PDE7B: variants seen among roughly 807,000 people sequenced by gnomAD.
PDE7B encodes 3',5'-cyclic-AMP phosphodiesterase 7B.
PDE7B carries 29 observed loss-of-function variants against 56.2 expected under a neutral mutation model. That is an observed-to-expected ratio of 0.52 (90% CI 0.38 to 0.70). The LOEUF (loss-of-function observed/expected upper bound fraction) is 0.70, where lower values mean the gene tolerates loss of function less well. Ranked by LOEUF, PDE7B falls within the 30% of genes least tolerant of loss-of-function variation. The pLI is 0.00. For synonymous variants in PDE7B, 197 were observed against 196.9 expected (o/e 1.00, Z 0.00); for missense variants, 490 against 565.0 (o/e 0.87, Z 1.35).
intron 3 of PDE7B, among the ~76,000 whole-genome samples, chr6:136,143,285 C>G (rs1327172272): frequency 6.6e-6 from 1 of 151,990 alleles, no homozygotes; most frequent in African/African-American, 2.4e-5. Context: ...TTATGGTAGG[C>G]CTAGGCAGGA....
At chr6:136,059,189 G>A (rs1442027063) in intron 2 of PDE7B, among the ~76,000 whole-genome samples, 3 of 152,084 alleles carry the variant, frequency 2.0e-5, no homozygotes, top group Non-Finnish European at 4.4e-5. Context: ...TCAGACCTTG[G>A]TGATGACCTT....
chr6:136,102,221 A>C (rs1777574493), intron 2 of PDE7B, among the ~76,000 whole-genome samples: 1 of 151,422 alleles, frequency 6.6e-6, no homozygotes, highest in South Asian at 2.1e-4. Context: ...ACAGATCCTG[A>C]CATTTAGAAA....
At chr6:136,070,450 A>G (rs1469520120) in intron 2 of PDE7B, 2 of 152,174 alleles carry the variant, frequency 1.3e-5, no homozygotes, top group African/African-American at 4.8e-5. Flanking sequence ...TTCACATTTT[A>G]TATGACTATA....
Position 135,887,295 on chromosome 6 carries a change from A to G in PDE7B, c.21+35276A>G, listed in dbSNP as rs537585043. ...GTTGAATCCATAGTTAATATTTGCA[A>G]AGATTTGCTGAGCATTTATACTGTG... On this transcript the variant is annotated intron_variant, in intron 1 of 12. Transcript: ENST00000308191. 2.1e-3 allele frequency among the ~76,000 whole-genome samples: 324 copies of G among 152,170 alleles called. 2 individuals are homozygous for G. Among genetic ancestry groups the G allele is most frequent in the African/African-American group, 7.5e-3 (313 of 41,548 alleles).
intron 1 of PDE7B, among the ~76,000 whole-genome samples, chr6:135,853,092 T>A (rs1774966580): frequency 6.6e-6 from 1 of 152,204 alleles, no homozygotes; most frequent in Non-Finnish European, 1.5e-5. Context: ...ACCATGGATT[T>A]CCCTATTACC....
intron 2 of PDE7B, among the ~76,000 whole-genome samples, chr6:135,952,109 G>A (rs1383305090): frequency 6.6e-6 from 1 of 152,040 alleles, no homozygotes; most frequent in Non-Finnish European, 1.5e-5. Flanking sequence ...CCTAGCCCAG[G>A]GGTTTTTCTG....
chr6:136,175,793 G>A (rs761759803), intron 9 of PDE7B, among the ~76,000 whole-genome samples: 32 of 152,030 alleles, frequency 2.1e-4, no homozygotes, highest in Admixed American at 5.2e-4. Context: ...AGTATTTGTA[G>A]ATAAAAATTA....
chr6:136,024,320 G>A (rs1036062871), intron 2 of PDE7B, among the ~76,000 whole-genome samples: 2 of 152,200 alleles, frequency 1.3e-5, no homozygotes, highest in African/African-American at 2.4e-5. Flanking sequence ...CCCAGCAGCC[G>A]ATCGCCTCCA....
chr6:136,141,717 T>G (rs558008323), intron 3 of PDE7B, among the ~76,000 whole-genome samples: 18 of 152,328 alleles, frequency 1.2e-4, no homozygotes, highest in Middle Eastern at 3.4e-3. Context: ...GTCGAGGAAT[T>G]TATCCATTTC....
intron 10 of PDE7B, among the ~76,000 whole-genome samples, chr6:136,179,860 G>T (rs958251053): frequency 1.1e-4 from 16 of 152,146 alleles, no homozygotes; most frequent in African/African-American, 3.9e-4. Context: ...GAACTGAATT[G>T]AATTACATTG....
At chr6:136,020,180 C>T (rs951049953) in intron 2 of PDE7B, among the ~76,000 whole-genome samples, 1 of 152,128 alleles carries the variant, frequency 6.6e-6, no homozygotes, top group East Asian at 1.9e-4. Context: ...GTTTTCTTAG[C>T]TCTTGTGAAG....
chr6:136,007,377 G>A (rs1008650226), intron 2 of PDE7B, among the ~76,000 whole-genome samples: 1 of 151,878 alleles, frequency 6.6e-6, no homozygotes. Flanking sequence ...TTCTTTTTTT[G>A]TTGTGCCTTT....
intron 8 of PDE7B, among the ~76,000 whole-genome samples, chr6:136,159,716 T>G (rs752539225): frequency 6.6e-6 from 1 of 152,236 alleles, no homozygotes; most frequent in African/African-American, 2.4e-5. Context: ...ACAATGTTCC[T>G]GTTGTTTTTC....
rs1774460717 is a variant in PDE7B, at chr6:135,938,765, T to TGCAGG, written c.22-8697_22-8693dup. Among the ~76,000 whole-genome samples the TGCAGG allele has an allele frequency of 2.0e-5, 3 of 152,208 alleles. No homozygotes were observed. The South Asian group carries it at 6.2e-4, about 31-fold the overall frequency. ...ACGCCATCTGACCTCAGGATCTCCCTGCAGGGATACGAGGAGATCTTAGCC... is the reference window on the plus strand; with the variant it reads ...ACGCCATCTGACCTCAGGATCTCCCTGCAGGGCAGGGATACGAGGAGATCTTAGCC... On this transcript the variant is annotated intron_variant, in intron 1 of 12. Transcript: ENST00000308191.
intron 2 of PDE7B, among the ~76,000 whole-genome samples, chr6:136,084,772 G>A (rs1236119252): frequency 2.0e-5 from 3 of 152,084 alleles, no homozygotes; most frequent in Admixed American, 1.3e-4. Flanking sequence ...GCATCTAAAA[G>A]GTACTTATCT....
intron 1 of PDE7B, among the ~76,000 whole-genome samples, chr6:135,904,243 T>A (rs1776056955): frequency 6.6e-6 from 1 of 152,218 alleles, no homozygotes; most frequent in African/African-American, 2.4e-5. Flanking sequence ...CAAGTCAGAA[T>A]AAGTAAATAT....
chr6:136,093,062 A>T (rs1172094359), intron 2 of PDE7B, among the ~76,000 whole-genome samples: 1 of 152,200 alleles, frequency 6.6e-6, no homozygotes, highest in East Asian at 1.9e-4. Flanking sequence ...CCATAAACAG[A>T]TATAATTTTC....
chr6:135,991,476 C>G (rs1305495324), intron 2 of PDE7B, among the ~76,000 whole-genome samples: 1 of 152,192 alleles, frequency 6.6e-6, no homozygotes. Context: ...TCTTACTCTT[C>G]TTCATTTCTC....
At chr6:135,969,701 C>T (rs1445678535) in intron 2 of PDE7B, among the ~76,000 whole-genome samples, 1 of 152,136 alleles carries the variant, frequency 6.6e-6, no homozygotes, top group Non-Finnish European at 1.5e-5. Context: ...CCATTCAGGA[C>T]ATAGGTACAG....
Sources: gnomAD v4.1 joint callset for allele counts (sites outside exome capture counted in the v4.1 genomes callset) on GRCh38, gnomAD v4.1.1 for gene constraint, MANE v1.5 for transcripts, NCBI Gene and HGNC (gene_info 2026-07-23, HGNC 2026-07-21) for gene names.